TTC27: variants seen among roughly 807,000 people sequenced by gnomAD.
TTC27 encodes tetratricopeptide repeat protein 27.
A neutral mutation model predicts 115.9 loss-of-function variants in TTC27; 79 were observed. The ratio of observed to expected loss-of-function variants is 0.68; its 90% CI spans 0.57 to 0.82. The LOEUF is 0.82. Ranked by LOEUF, TTC27 falls within the 40% of genes least tolerant of loss-of-function variation. TTC27 has a pLI of 0.00. For synonymous variants in TTC27, 401 were observed against 356.0 expected, an observed-to-expected ratio of 1.13 and a Z score of -1.42; for missense variants, 1,054 against 993.1, an observed-to-expected ratio of 1.06 and a Z score of -0.82.
intron 9 of TTC27, among the ~76,000 whole-genome samples, chr2:32,694,541 T>C (rs745622008): frequency 1.4e-4 from 22 of 151,838 alleles, no homozygotes; most frequent in Admixed American, 5.9e-4. Flanking sequence ...CCATCTCTAT[T>C]AAAAAAAATA....
intron 9 of TTC27, among the ~76,000 whole-genome samples, chr2:32,684,823 A>G (rs1190603106): frequency 6.6e-6 from 1 of 151,844 alleles, no homozygotes; most frequent in Non-Finnish European, 1.5e-5. Context: ...GAACAAGCAC[A>G]GTGAGACTTA....
intron 10 of TTC27, among the ~76,000 whole-genome samples, chr2:32,730,875 G>A (rs1197309023): frequency 6.6e-6 from 1 of 152,034 alleles, no homozygotes; most frequent in Non-Finnish European, 1.5e-5. Flanking sequence ...TCCCACCTCG[G>A]CCTCCCAAAG....
At chr2:32,782,154 G>A (rs1322494433) in intron 14 of TTC27, among the ~76,000 whole-genome samples, 1 of 152,098 alleles carries the variant, frequency 6.6e-6, no homozygotes, top group Non-Finnish European at 1.5e-5. Context: ...ATTGGGTAGA[G>A]GAATAGGTAG....
intron 9 of TTC27, among the ~76,000 whole-genome samples, chr2:32,694,221 G>A (rs1237593297): frequency 6.6e-6 from 1 of 152,162 alleles, no homozygotes; most frequent in African/African-American, 2.4e-5. Flanking sequence ...TTAACAACAT[G>A]TAGTATTTTA....
Position 32,656,982 on chromosome 2 carries a change from A to G in TTC27, c.640+6749A>G, listed in dbSNP as rs539249387. ...AAACCTTGCAGTAAGATCTAGCACAATTCTTTTTTTTTTTTTTTTTTGAGA... is the reference window on the plus strand; with the variant it reads ...AAACCTTGCAGTAAGATCTAGCACAGTTCTTTTTTTTTTTTTTTTTTGAGA... On this transcript the variant is annotated intron_variant, in intron 5 of 19. Coordinates refer to ENST00000317907, the MANE Select transcript of TTC27 (RefSeq NM_017735.5). Among the ~76,000 whole-genome samples the G allele has an allele frequency of 4.2e-5, 6 of 144,118 alleles. 1 individual carries two copies. The highest frequency in any genetic ancestry group is 1.3e-4 in the African/African-American group (5 of 39,360). The allele number at this position is 144,118 out of a possible 152,430, so 94.5% of individuals were successfully genotyped here.
chr2:32,784,058 C>T (rs1670267639), intron 15 of TTC27, among the ~76,000 whole-genome samples: 1 of 152,178 alleles, frequency 6.6e-6, no homozygotes, highest in South Asian at 2.1e-4. Context: ...ACTGATAGTG[C>T]TAAAACTCTC....
At chr2:32,646,153 C>G (rs778653720) in intron 4 of TTC27, among the ~76,000 whole-genome samples, 1 of 152,016 alleles carries the variant, frequency 6.6e-6, no homozygotes, top group African/African-American at 2.4e-5. Context: ...CTCAGCCTCC[C>G]GAGGAGCTGG....
At chr2:32,739,210 A>C (rs1188074571) in intron 12 of TTC27, among the ~76,000 whole-genome samples, 1 of 152,226 alleles carries the variant, frequency 6.6e-6, no homozygotes, top group African/African-American at 2.4e-5. Flanking sequence ...CCATTGCATC[A>C]TTCTTTACTG....
intron 5 of TTC27, among the ~76,000 whole-genome samples, chr2:32,653,631 A>T (rs1665215942): frequency 6.6e-6 from 1 of 151,452 alleles, no homozygotes; most frequent in Admixed American, 6.6e-5. Context: ...TCTTTTGGTG[A>T]CTGATGCATA....
intron 9 of TTC27, among the ~76,000 whole-genome samples, chr2:32,695,920 A>ATAAAG (rs1051532462): frequency 6.6e-6 from 1 of 151,206 alleles, no homozygotes; most frequent in African/African-American, 2.4e-5. Flanking sequence ...ATAAAATAAA[A>ATAAAG]TAAAATAAAA....
intron 7 of TTC27, among the ~76,000 whole-genome samples, chr2:32,669,157 A>G (rs1458807282): frequency 3.9e-5 from 6 of 152,114 alleles, no homozygotes; most frequent in Admixed American, 3.9e-4. Context: ...GAGACTGGCT[A>G]ATTTTTGTAT....
At chr2:32,779,016 G>C (rs981548559) in intron 14 of TTC27, among the ~76,000 whole-genome samples, 1 of 152,306 alleles carries the variant, frequency 6.6e-6, no homozygotes, top group Non-Finnish European at 1.5e-5. Flanking sequence ...TTGTGGCCAG[G>C]AGTTCAAGAC....
chr2:32,811,198 G>A lies in TTC27; in HGVS notation c.2173G>A (p.Glu725Lys), dbSNP rs1478494721. The A allele has an allele frequency of 6.2e-7, 1 of 1,613,962 alleles. No individual in the cohort carries two copies. The highest frequency in any genetic ancestry group is 1.7e-5 in the Admixed American group (1 of 60,000). Residue 725 changes from glutamate (E) to lysine (K), a missense_variant, in exon 17 of 20, where the codon GAA (glutamate) becomes AAA (lysine). Coordinates refer to ENST00000317907, the MANE Select transcript of TTC27 (RefSeq NM_017735.5). ...YAHVYGNGQS[E>K]KPDENEKAFQ... ...CCACGTATATGGAAATGGGCAGAGT[G>A]AAAAGCCTGATGAAAATGAAAAGGC... is the stretch of plus-strand genomic sequence containing the variant.
intron 4 of TTC27, among the ~76,000 whole-genome samples, chr2:32,645,482 AAAGC>A (rs1664817854): frequency 6.6e-6 from 1 of 152,204 alleles, no homozygotes; most frequent in Non-Finnish European, 1.5e-5. Context: ...GAAATTATCT[AAAGC>A]AAGACCTCAA....
intron 7 of TTC27, among the ~76,000 whole-genome samples, chr2:32,670,418 CTT>C (rs1460096658): frequency 6.6e-6 from 1 of 152,080 alleles, no homozygotes; most frequent in Non-Finnish European, 1.5e-5. Context: ...TTAGATCTGT[CTT>C]TTCTAGAATT....
chr2:32,781,211 A>G (rs941461047), intron 14 of TTC27, among the ~76,000 whole-genome samples: 6 of 152,176 alleles, frequency 3.9e-5, no homozygotes, highest in Non-Finnish European at 8.8e-5. Context: ...TTTCATTTGG[A>G]TATTTTAACA....
chr2:32,664,481 TTTGTGGATAA>T lies in TTC27; in HGVS notation c.805+18_805+27del, dbSNP rs1384134079. 6 of 1,590,484 alleles carry T rather than the reference TTTGTGGATAA, an allele frequency of 3.8e-6. No individual in the cohort carries two copies. The Admixed American group carries it at 1.1e-4, about 30-fold the overall frequency. ...TTGATTTGACAGGTAAGACTTATTT[TTTGTGGATAA>T]TTGATTTTATTTTTATGATAAAACT... On this transcript the variant is annotated intron_variant, in intron 6 of 19. Transcript: ENST00000317907.
At position 32,702,843 on chromosome 2, in the gene TTC27, A is replaced by G. The variant is rs767153095; in HGVS notation, c.1156A>G (p.Thr386Ala). 6.2e-7 allele frequency: 1 copy of G among 1,614,076 alleles called. No homozygotes were observed. The highest frequency in any genetic ancestry group is 1.7e-5 in the Admixed American group (1 of 60,012). Residue 386 changes from threonine (T) to alanine (A), a missense_variant, in exon 10 of 20, where the codon ACA becomes GCA. Thr to Ala is a moderately conservative substitution (Grantham distance 58, BLOSUM62 0). Transcript: ENST00000317907. ...LSQPKFWAIQ[T>A]SALILRTKLE... ...ACAACCAAAGTTCTGGGCCATTCAG[A>G]CATCAGCCTTGATCCTCCGGACAAA...
At chr2:32,650,278 T>C in intron 5 of TTC27, 45 bp downstream of exon 5, 1 of 1,454,262 alleles carries the variant, frequency 6.9e-7, no homozygotes, top group East Asian at 2.3e-5. Flanking sequence ...AGCTCAGTTC[T>C]AATTACTTGG....
Sources: allele counts gnomAD v4.1 joint callset (sites outside exome capture counted in the v4.1 genomes callset), GRCh38; gene constraint gnomAD v4.1.1; transcripts MANE v1.5; gene names NCBI Gene and HGNC (gene_info 2026-07-23, HGNC 2026-07-21).